TNIK: variants seen among roughly 807,000 people sequenced by gnomAD.
The protein encoded by TNIK is TRAF2 and NCK-interacting protein kinase.
In TNIK, 49 loss-of-function variants were observed where a neutral mutation model predicts 191.3. The observed-to-expected ratio is 0.26, with a 90% CI of 0.20 to 0.32. The LOEUF is 0.32. Ranked by LOEUF, TNIK falls within the 10% of genes least tolerant of loss-of-function variation. TNIK has a pLI of 1.00. For missense variants in TNIK, 1,155 were observed against 1,702.3 expected, an observed-to-expected ratio of 0.68 and a Z score of 5.66; for synonymous variants, 594 against 600.9, an observed-to-expected ratio of 0.99 and a Z score of 0.17.
intron 9 of TNIK, among the ~76,000 whole-genome samples, chr3:171,173,220 T>TAAA (rs35147904): frequency 2.3e-5 from 3 of 133,148 alleles, no homozygotes; most frequent in Non-Finnish European, 3.2e-5. Context: ...CTGTCTCTAC[T>TAAA]AAAAAAAAAA....
At chr3:171,340,903 A>AG (rs1373309608) in intron 2 of TNIK, among the ~76,000 whole-genome samples, 2 of 151,334 alleles carry the variant, frequency 1.3e-5, no homozygotes, top group Non-Finnish European at 2.9e-5. Flanking sequence ...GGTATTTGGG[A>AG]GGGAAAAAAA....
chr3:171,098,330 C>T (rs1424416054), intron 22 of TNIK, among the ~76,000 whole-genome samples: 1 of 151,880 alleles, frequency 6.6e-6, no homozygotes, highest in Non-Finnish European at 1.5e-5. Context: ...TAGTACATGC[C>T]CATCATATAA....
At chr3:171,452,772 A>G (rs1005450530) in intron 1 of TNIK, among the ~76,000 whole-genome samples, 2 of 141,730 alleles carry the variant, frequency 1.4e-5, no homozygotes, top group African/African-American at 5.3e-5. Flanking sequence ...ACACACACAC[A>G]TACGCCTTGC....
chr3:171,264,732 A>C (rs529903821), intron 2 of TNIK, among the ~76,000 whole-genome samples: 1 of 152,302 alleles, frequency 6.6e-6, no homozygotes, highest in East Asian at 1.9e-4. Flanking sequence ...CTTAAAGTAC[A>C]ATTTTGTGTT....
chr3:171,324,795 T>C (rs1000278432), intron 2 of TNIK, among the ~76,000 whole-genome samples: 26 of 152,054 alleles, frequency 1.7e-4, no homozygotes, highest in African/African-American at 6.3e-4. Context: ...AAGAGACCAG[T>C]TTGTTAAAGA....
intron 2 of TNIK, among the ~76,000 whole-genome samples, chr3:171,342,850 T>G (rs1032615122): frequency 2.6e-5 from 4 of 152,058 alleles, no homozygotes; most frequent in Non-Finnish European, 5.9e-5. Flanking sequence ...CAGTGGGAGG[T>G]AACTGAATCA....
chr3:171,209,376 T>G (rs1321202063), intron 4 of TNIK, among the ~76,000 whole-genome samples: 1 of 152,156 alleles, frequency 6.6e-6, no homozygotes, highest in Non-Finnish European at 1.5e-5. Context: ...ATAAAAATGC[T>G]TCATCTCTGA....
intron 22 of TNIK, among the ~76,000 whole-genome samples, chr3:171,099,553 A>G (rs555359306): frequency 6.6e-6 from 1 of 152,266 alleles, no homozygotes; most frequent in African/African-American, 2.4e-5. Context: ...AGTAAGGCAT[A>G]ACCCTTACCC....
intron 1 of TNIK, among the ~76,000 whole-genome samples, chr3:171,417,743 T>A (rs150160446): frequency 6.6e-6 from 1 of 152,140 alleles, no homozygotes; most frequent in African/African-American, 2.4e-5. Flanking sequence ...CACCCTTTTG[T>A]GACAATCCCC....
In TNIK at chr3:171,060,216, A is replaced by G. The variant is rs1489240281; in HGVS notation, c.*3665T>C. Among the ~76,000 whole-genome samples, 1 of 151,470 alleles carries G rather than the reference A, an allele frequency of 6.6e-6. No homozygotes were observed. Among genetic ancestry groups the G allele is most frequent in the African/African-American group, 2.4e-5 (1 of 41,180 alleles). On this transcript the variant is annotated 3_prime_UTR_variant, in exon 33 of 33. Transcript: ENST00000436636. ...AAGCATTTTTTTAAAAGCTTCGTGG[A>G]ATGTGAGACTTTAGCCCCTTCCTTT...
At chr3:171,453,623 C>A (rs1728452913) in intron 1 of TNIK, among the ~76,000 whole-genome samples, 1 of 152,126 alleles carries the variant, frequency 6.6e-6, no homozygotes, top group African/African-American at 2.4e-5. Flanking sequence ...GTTTGGAAGA[C>A]TCACGTGGCT....
At chr3:171,233,970 T>C (rs982134512) in intron 2 of TNIK, among the ~76,000 whole-genome samples, 3 of 152,200 alleles carry the variant, frequency 2.0e-5, no homozygotes, top group African/African-American at 7.2e-5. Context: ...TTTAAGTGGA[T>C]GAAGTTCTTT....
intron 2 of TNIK, among the ~76,000 whole-genome samples, chr3:171,363,739 C>T (rs1462577282): frequency 6.6e-6 from 1 of 152,184 alleles, no homozygotes; most frequent in Non-Finnish European, 1.5e-5. Flanking sequence ...TCGTGATATA[C>T]AGATTTGAGA....
At chr3:171,416,769 T>A (rs1723140501) in intron 1 of TNIK, among the ~76,000 whole-genome samples, 1 of 152,202 alleles carries the variant, frequency 6.6e-6, no homozygotes, top group Admixed American at 6.5e-5. Context: ...TATAAATCCT[T>A]ATTTACAAGA....
At chr3:171,189,591 A>G (rs901716473) in intron 6 of TNIK, among the ~76,000 whole-genome samples, 1 of 152,322 alleles carries the variant, frequency 6.6e-6, no homozygotes, top group South Asian at 2.1e-4. Context: ...TGCCGCTACT[A>G]GTGGTATGAC....
chr3:171,200,197 A>G (rs12493269), intron 4 of TNIK, among the ~76,000 whole-genome samples: 7,793 of 152,256 alleles, frequency 0.051, 290 homozygotes, highest in Middle Eastern at 0.1. Context: ...TTCACTCAAC[A>G]CCGCCTAAAT....
intron 2 of TNIK, among the ~76,000 whole-genome samples, chr3:171,352,754 C>A (rs1462591989): frequency 6.6e-6 from 1 of 152,150 alleles, no homozygotes; most frequent in Non-Finnish European, 1.5e-5. Context: ...AAGCTTTCAA[C>A]AAACTTCTTA....
chr3:171,216,402 T>C (rs9820034), intron 3 of TNIK, among the ~76,000 whole-genome samples: 41,305 of 152,148 alleles, frequency 0.27, 7,562 homozygotes, highest in African/African-American at 0.52. Flanking sequence ...TTTAAAGTTA[T>C]ACATCAACTC....
chr3:171,107,124 G>T, intron 21 of TNIK, 59 bp downstream of exon 21: 1 of 1,553,316 alleles, frequency 6.4e-7, no homozygotes, highest in Non-Finnish European at 8.8e-7. Flanking sequence ...GTCAACATTA[G>T]GAAATAAGTT....
Sources: gnomAD v4.1 joint callset for allele counts (sites outside exome capture counted in the v4.1 genomes callset) on GRCh38, gnomAD v4.1.1 for gene constraint, MANE v1.5 for transcripts, NCBI Gene and HGNC (gene_info 2026-07-23, HGNC 2026-07-21) for gene names.